The following ZNF568 variants were observed in gnomAD, a reference collection of about 807,000 sequenced individuals.
The protein encoded by ZNF568 is p53 inhibitor of SCO2 activation.
In ZNF568, 11 loss-of-function variants were observed where a neutral mutation model predicts 18.1. The observed-to-expected ratio is 0.61, with a 90% CI of 0.38 to 1.00. The LOEUF (loss-of-function observed/expected upper bound fraction) is 1.00. Among genes scored for constraint, ZNF568 ranks in the 50% least tolerant of loss-of-function variants. The probability of loss-of-function intolerance (pLI) is 0.01; values close to 1 mark genes in which losing one functional copy is unlikely to be tolerated. For missense variants in ZNF568, 639 were observed against 768.2 expected (o/e 0.83, Z 1.99); for synonymous variants, 213 against 246.6 (o/e 0.86, Z 1.28).
At chr19:36,945,463 G>A (rs181355652) in intron 6 of ZNF568, among the ~76,000 whole-genome samples, 393 of 152,124 alleles carry the variant, frequency 2.6e-3, no homozygotes, top group African/African-American at 8.9e-3. Context: ...TTTTCCTTAT[G>A]ATTATTGTAA....
chr19:36,937,214 G>A lies in ZNF568; in HGVS notation c.330G>A (p.Glu110=), dbSNP rs772940217. 1.2e-6 allele frequency: 2 copies of A among 1,613,884 alleles called. No individual in the cohort carries two copies. The highest frequency in any genetic ancestry group is 1.7e-5 in the Admixed American group (1 of 59,992). Residue 110 remains glutamate, a synonymous_variant, in exon 6 of 7, where the codon GAG becomes GAA. Coordinates refer to ENST00000333987, the MANE Select transcript of ZNF568 (RefSeq NM_198539.4). ...LEQEEEPWVM[E]EEMFGRHCPE... ...AAGAAGAGGAGCCCTGGGTGATGGA[G>A]GAAGAAATGTTTGGGAGGCACTGTC...
intron 7 of ZNF568, among the ~76,000 whole-genome samples, chr19:36,977,066 AT>A (rs2074291919): frequency 1.3e-5 from 2 of 152,240 alleles, no homozygotes; most frequent in East Asian, 1.9e-4. Context: ...TTTTAGAAAT[AT>A]TTTTTCACAG....
At position 36,996,187 on chromosome 19, in the gene ZNF568, CT is replaced by C. The variant is rs149957924; in HGVS notation, c.230-121del. On this transcript the variant is annotated intron_variant, in intron 4 of 4. Transcript: ENST00000433993. ...CCTCGTTTTCTCATTTTTCACTTCC[CT>C]TTTTTTTTGTAATTGCAGTGTAAAG... is the stretch of plus-strand genomic sequence containing the variant. The C allele has an allele frequency of 5.7e-3, 4,360 of 770,560 alleles. 88 individuals carry two copies. Among genetic ancestry groups the C allele is most frequent in the Admixed American group, 0.047 (1,449 of 31,004 alleles). The allele number at this position is 770,560 out of a possible 1,614,324, so 47.7% of individuals were successfully genotyped here. A position where few individuals can be genotyped will look rare whatever the true frequency, so the allele number is the denominator to read the frequency against.
intron 6 of ZNF568, among the ~76,000 whole-genome samples, chr19:36,965,614 G>C (rs2146326632): frequency 6.6e-6 from 1 of 151,788 alleles, no homozygotes; most frequent in Admixed American, 6.6e-5. Flanking sequence ...CCGTAATGCT[G>C]CTGCCAGCAT....
chr19:36,940,491 C>G (rs1437217252), intron 6 of ZNF568, among the ~76,000 whole-genome samples: 1 of 152,118 alleles, frequency 6.6e-6, no homozygotes, highest in Admixed American at 6.5e-5. Flanking sequence ...AGAAAGAAAA[C>G]TTTTATTCTT....
At chr19:36,988,066 T>C (rs2074391836) in intron 2 of ZNF568, among the ~76,000 whole-genome samples, 1 of 152,106 alleles carries the variant, frequency 6.6e-6, no homozygotes, top group African/African-American at 2.4e-5. Context: ...CTATTATCTA[T>C]GTGTTAGTAT....
intron 6 of ZNF568, among the ~76,000 whole-genome samples, chr19:36,947,804 C>A (rs2073991619): frequency 6.6e-6 from 1 of 152,064 alleles, no homozygotes; most frequent in Non-Finnish European, 1.5e-5. Context: ...TAATAAACTT[C>A]ATCTTTTAGG....
chr19:36,924,361 G>A (rs2073510893), intron 3 of ZNF568, among the ~76,000 whole-genome samples: 1 of 151,702 alleles, frequency 6.6e-6, no homozygotes, highest in East Asian at 2.0e-4. Context: ...TGGGACTACA[G>A]GCGCACGCCA....
At chr19:36,922,887 G>A in intron 3 of ZNF568, 41 bp downstream of exon 3, 2 of 1,587,922 alleles carry the variant, frequency 1.3e-6, no homozygotes, top group South Asian at 1.1e-5. Flanking sequence ...GGAGAGAAAG[G>A]CTCTACATTT....
At chr19:36,949,430 A>C in intron 6 of ZNF568, 82 bp from the exon 7 acceptor site, 1 of 1,382,476 alleles carries the variant, frequency 7.2e-7, no homozygotes, top group South Asian at 1.5e-5. Flanking sequence ...ATTAAACCCC[A>C]CATTAGCCTA....
rs564874331 is a variant in ZNF568 at position 36,952,118 on chromosome 19, A to C, written c.*1030A>C. On this transcript the variant is annotated 3_prime_UTR_variant, in exon 7 of 7. Coordinates refer to ENST00000333987, the MANE Select transcript of ZNF568 (RefSeq NM_198539.4). ...ATATACATCCTATAGAAACTCACAA[A>C]TAATGCATAAGAAATATATATATAA... The C allele has an allele frequency of 1.1e-3, 845 of 748,612 alleles. No homozygotes were observed. The highest frequency in any genetic ancestry group is 1.3e-3 in the Non-Finnish European group (805 of 617,076). 46.4% of individuals were successfully genotyped at this position (748,612 alleles called of 1,614,324 possible).
chr19:36,930,066 T>A (rs2073658789), intron 4 of ZNF568, among the ~76,000 whole-genome samples: 1 of 151,986 alleles, frequency 6.6e-6, no homozygotes, highest in African/African-American at 2.4e-5. Flanking sequence ...ACTGAATTTC[T>A]TAACATTTGT....
chr19:36,922,937 G>C, intron 3 of ZNF568, 91 bp downstream of exon 3: 1 of 1,068,294 alleles, frequency 9.4e-7, no homozygotes. Context: ...TACTGAGAAA[G>C]GTCACGTATG....
intron 4 of ZNF568, among the ~76,000 whole-genome samples, chr19:36,993,011 A>T (rs1049393292): frequency 6.6e-6 from 1 of 152,206 alleles, no homozygotes; most frequent in Non-Finnish European, 1.5e-5. Flanking sequence ...CATGGTATAG[A>T]TATTACCATT....
chr19:36,997,029 G>T (rs764459012), exon 5 of ZNF568: 3 of 1,561,568 alleles, frequency 1.9e-6, no homozygotes, highest in East Asian at 4.7e-5. Flanking sequence ...GAATCCATAC[G>T]GGTGAGAAAC....
downstream of ZNF568, among the ~76,000 whole-genome samples, chr19:36,953,834 G>A (rs561734451): frequency 2.0e-5 from 3 of 151,586 alleles, no homozygotes; most frequent in Non-Finnish European, 4.4e-5. Flanking sequence ...TTGCTTGAAT[G>A]CGGGAGGCAG....
chr19:36,936,826 G>C lies in ZNF568; in HGVS notation c.216G>C (p.Leu72Phe), dbSNP rs765742525. The change falls in exon 5 of 7, where the codon TTG becomes TTC. Residue 72 changes from leucine (L) to phenylalanine (F), a missense_variant. By Grantham distance (22) the Leu-to-Phe change is conservative (BLOSUM62 0). Coordinates refer to ENST00000333987, the MANE Select transcript of ZNF568 (RefSeq NM_198539.4). ...AAATGAAACCTGCTCAAAGAAACTT[G>C]TATCGAGATGTGATGCTGGAGAACT... ...WEQMKPAQRN[L>F]YRDVMLENYS... The C allele has an allele frequency of 2.5e-6, 4 of 1,613,940 alleles. No homozygotes were observed. The highest frequency in any genetic ancestry group is 2.5e-6 in the Non-Finnish European group (3 of 1,179,848).
chr19:36,984,554 G>A (rs1644664), downstream of ZNF568, among the ~76,000 whole-genome samples: 1 of 151,762 alleles, frequency 6.6e-6, no homozygotes, highest in African/African-American at 2.4e-5. Flanking sequence ...TATGTATTGA[G>A]TGTTATCTTA....
At chr19:36,996,647 G>A in exon 5 of ZNF568, 1 of 1,535,156 alleles carries the variant, frequency 6.5e-7, no homozygotes, top group Non-Finnish European at 8.7e-7. Context: ...GGAGAATGTA[G>A]GAAAATCTTT....
Sources: allele counts gnomAD v4.1 joint callset (sites outside exome capture counted in the v4.1 genomes callset), GRCh38; gene constraint gnomAD v4.1.1; transcripts MANE v1.5; gene names NCBI Gene and HGNC (gene_info 2026-07-23, HGNC 2026-07-21).